Variants in ZFYVE16 observed in about 807,000 individuals in gnomAD.
ZFYVE16 encodes zinc finger FYVE-type containing 16.
In ZFYVE16, 89 loss-of-function variants were observed where a neutral mutation model predicts 138.1. That is an observed-to-expected ratio of 0.64 (90% CI 0.54 to 0.77). ZFYVE16 has a LOEUF of 0.77. Ranked by LOEUF, ZFYVE16 falls within the 30% of genes least tolerant of loss-of-function variation. ZFYVE16 has a pLI of 0.00. For missense variants in ZFYVE16, 1,793 were observed against 1,786.7 expected (o/e 1.00, Z -0.06); for synonymous variants, 596 against 618.3 (o/e 0.96, Z 0.53).
chr5:80,458,538 G>A (rs1304981028), intron 14 of ZFYVE16, among the ~76,000 whole-genome samples: 1 of 151,964 alleles, frequency 6.6e-6, no homozygotes, highest in Non-Finnish European at 1.5e-5. Context: ...ATTATTCTAT[G>A]TTTGTGTATA....
intron 15 of ZFYVE16, 139 bp from the exon 16 acceptor site, chr5:80,472,622 G>A (rs1754496472): frequency 1.1e-6 from 1 of 906,096 alleles, no homozygotes; most frequent in Non-Finnish European, 1.6e-6. Context: ...TTTCCTAGTG[G>A]AAAACAACCA....
At position 80,437,328 on chromosome 5, in the gene ZFYVE16, C is replaced by CT; in HGVS notation, c.646dup (p.Ser216PhefsTer5). The CT allele has an allele frequency of 6.2e-7, 1 of 1,601,688 alleles. No homozygotes were observed. The highest frequency in any genetic ancestry group is 8.5e-7 in the Non-Finnish European group (1 of 1,175,304). On this transcript the variant is annotated frameshift_variant, in exon 4 of 19. Coordinates refer to ENST00000505560, the MANE Select transcript of ZFYVE16 (RefSeq NM_001284236.3). LOFTEE classifies it high-confidence loss of function. ...ATTGGGTATAAAAGTAGATACAACA[C>CT]TTTCAGATTCCTATAATTACAGTGG...
chr5:80,459,346 G>T, intron 14 of ZFYVE16, 68 bp from the exon 15 acceptor site: 1 of 1,374,350 alleles, frequency 7.3e-7, no homozygotes, highest in Non-Finnish European at 1.0e-6. Flanking sequence ...TCCACATTCT[G>T]CATTTAACAA....
intron 7 of ZFYVE16, among the ~76,000 whole-genome samples, chr5:80,447,066 G>A (rs916522270): frequency 3.3e-5 from 5 of 151,832 alleles, no homozygotes; most frequent in Admixed American, 6.6e-5. Flanking sequence ...GTTCAAGACC[G>A]CCTGACCAAC....
chr5:80,411,479 T>C (rs906928034), intron 1 of ZFYVE16, among the ~76,000 whole-genome samples: 2 of 152,168 alleles, frequency 1.3e-5, no homozygotes, highest in Non-Finnish European at 2.9e-5. Flanking sequence ...GCATAAAGTT[T>C]TGTGATTTGA....
Position 80,433,711 on chromosome 5 carries a change from G to A in ZFYVE16, c.-39-398G>A, listed in dbSNP as rs6874666. ...TTCCACTAAAAAAAGAAAAAAAAAA[G>A]CATTTAAGGCTCTAAGTATCTCTTG... On this transcript the variant is annotated intron_variant, in intron 2 of 18. Transcript: ENST00000505560. Among the ~76,000 whole-genome samples the A allele has an allele frequency of 6.1e-3, 922 of 151,696 alleles. 9 individuals are homozygous for A. The highest frequency in any genetic ancestry group is 0.021 in the African/African-American group (850 of 41,356).
intron 6 of ZFYVE16, among the ~76,000 whole-genome samples, chr5:80,443,600 C>G (rs1258023859): frequency 1.3e-5 from 2 of 152,146 alleles, no homozygotes; most frequent in Non-Finnish European, 2.9e-5. Context: ...AAGCCCTGGT[C>G]ACAGCACCAT....
intron 15 of ZFYVE16, among the ~76,000 whole-genome samples, chr5:80,461,659 T>G (rs953125172): frequency 6.6e-6 from 1 of 152,138 alleles, no homozygotes; most frequent in Non-Finnish European, 1.5e-5. Context: ...AGAGCTCCAG[T>G]ATCTCTTCTT....
chr5:80,472,051 C>G (rs1004549018), intron 15 of ZFYVE16, among the ~76,000 whole-genome samples: 2 of 152,034 alleles, frequency 1.3e-5, no homozygotes, highest in African/African-American at 4.8e-5. Flanking sequence ...ACTTCTATTA[C>G]CTCTGTTCTG....
chr5:80,427,887 G>A (rs887130561), intron 2 of ZFYVE16, among the ~76,000 whole-genome samples: 3 of 144,524 alleles, frequency 2.1e-5, no homozygotes, highest in South Asian at 2.2e-4. Context: ...CAGGAGAATC[G>A]CTTGAACCTG....
chr5:80,468,053 AC>A (rs1284786118), intron 15 of ZFYVE16, among the ~76,000 whole-genome samples: 3 of 152,130 alleles, frequency 2.0e-5, no homozygotes, highest in Non-Finnish European at 4.4e-5. Flanking sequence ...GGTTGATGGC[AC>A]CCATATGCTT....
intron 5 of ZFYVE16, chr5:80,441,832 A>G: frequency 2.0e-6 from 2 of 985,402 alleles, no homozygotes; most frequent in Non-Finnish European, 2.4e-6. Context: ...TAGCAGTGGC[A>G]GCATTGATAG....
At chr5:80,455,328 G>A (rs1468067942) in intron 11 of ZFYVE16, 2 of 225,036 alleles carry the variant, frequency 8.9e-6, no homozygotes, top group Non-Finnish European at 1.8e-5. Context: ...GAGGTCAGAA[G>A]TTTGAGATCA....
At chr5:80,448,543 G>A (rs1751641761) in intron 8 of ZFYVE16, 139 bp downstream of exon 8, 1 of 790,280 alleles carries the variant, frequency 1.3e-6, no homozygotes, top group South Asian at 5.3e-5. Flanking sequence ...TTTACAGAAA[G>A]TCTTATTATA....
intron 1 of ZFYVE16, among the ~76,000 whole-genome samples, chr5:80,424,084 T>G (rs1242623445): frequency 2.0e-5 from 3 of 151,720 alleles, no homozygotes; most frequent in Non-Finnish European, 2.9e-5. Context: ...TAGCTGAGAT[T>G]ACAGGTGCCT....
chr5:80,415,128 C>T (rs1746019467), intron 1 of ZFYVE16, among the ~76,000 whole-genome samples: 2 of 152,082 alleles, frequency 1.3e-5, no homozygotes, highest in African/African-American at 2.4e-5. Flanking sequence ...TTTTCTATCC[C>T]TTTCTGTTCT....
intron 1 of ZFYVE16, among the ~76,000 whole-genome samples, chr5:80,412,544 A>G (rs143994878): frequency 6.6e-6 from 1 of 152,292 alleles, no homozygotes; most frequent in African/African-American, 2.4e-5. Flanking sequence ...ACATTGTCAT[A>G]TCATACCTTT....
chr5:80,408,263 C>T (rs1744895326), intron 1 of ZFYVE16, 110 bp downstream of exon 1: 1 of 152,394 alleles, frequency 6.6e-6, no homozygotes, highest in Non-Finnish European at 1.5e-5. Flanking sequence ...GTCTGGCCCT[C>T]TTCCTCTGGG....
chr5:80,436,668 T>G, intron 3 of ZFYVE16, 88 bp from the exon 4 acceptor site: 2 of 1,180,490 alleles, frequency 1.7e-6, no homozygotes, highest in East Asian at 5.1e-5. Context: ...AAAAAGTGTA[T>G]TTAGTTTAGA....
Sources: gnomAD v4.1 joint callset for allele counts (sites outside exome capture counted in the v4.1 genomes callset) on GRCh38, gnomAD v4.1.1 for gene constraint, MANE v1.5 for transcripts, NCBI Gene and HGNC (gene_info 2026-07-23, HGNC 2026-07-21) for gene names.